The following HS6ST3 variants were observed in gnomAD, a reference collection of about 807,000 sequenced individuals.
HS6ST3 encodes heparan sulfate 6-O-sulfotransferase 3.
Under a neutral mutation model 36.7 loss-of-function variants are expected in HS6ST3, and 12 were observed. That is an observed-to-expected ratio of 0.33 (90% CI 0.21 to 0.53). HS6ST3 has a LOEUF of 0.53. Among genes scored for constraint, HS6ST3 ranks in the 20% least tolerant of loss-of-function variants. The pLI is 0.95. For missense variants in HS6ST3, 584 were observed against 640.9 expected (o/e 0.91, Z 0.96); for synonymous variants, 240 against 257.5 (o/e 0.93, Z 0.65).
At chr13:96,412,915 ACAATT>A (rs2055515104) in intron 1 of HS6ST3, among the ~76,000 whole-genome samples, 1 of 137,714 alleles carries the variant, frequency 7.3e-6, no homozygotes, top group Non-Finnish European at 1.7e-5. Context: ...TATTGAATGA[ACAATT>A]GAAGAAAGAG....
chr13:96,687,007 C>G (rs1874798802), intron 1 of HS6ST3, among the ~76,000 whole-genome samples: 1 of 151,740 alleles, frequency 6.6e-6, no homozygotes. Context: ...GCATGCTACT[C>G]TTTTTCCTCA....
At chr13:96,326,047 C>G (rs917917802) in intron 1 of HS6ST3, among the ~76,000 whole-genome samples, 5 of 151,880 alleles carry the variant, frequency 3.3e-5, no homozygotes, top group South Asian at 4.2e-4. Context: ...ACCTTGTATA[C>G]TAAGTGAATT....
At chr13:96,192,147 A>T (rs1412301666) in intron 1 of HS6ST3, among the ~76,000 whole-genome samples, 1 of 152,186 alleles carries the variant, frequency 6.6e-6, no homozygotes, top group East Asian at 1.9e-4. Context: ...TCCTTGCAGG[A>T]TTGCTGTAAG....
intron 1 of HS6ST3, among the ~76,000 whole-genome samples, chr13:96,830,134 G>A (rs1878743831): frequency 6.6e-6 from 1 of 151,766 alleles, no homozygotes; most frequent in African/African-American, 2.4e-5. Context: ...CTTTATGTTA[G>A]ATAAATATGC....
At chr13:96,752,311 G>A (rs774122812) in intron 1 of HS6ST3, among the ~76,000 whole-genome samples, 21 of 152,120 alleles carry the variant, frequency 1.4e-4, no homozygotes, top group Middle Eastern at 3.4e-3. Flanking sequence ...AATCATGCTT[G>A]AGCATGCATC....
intron 1 of HS6ST3, among the ~76,000 whole-genome samples, chr13:96,106,463 T>A (rs2139297697): frequency 6.6e-6 from 1 of 152,292 alleles, no homozygotes; most frequent in East Asian, 1.9e-4. Flanking sequence ...AACAGCAGTG[T>A]GAGTGAGCTT....
At chr13:96,585,264 G>A (rs544638331) in intron 1 of HS6ST3, among the ~76,000 whole-genome samples, 1 of 151,866 alleles carries the variant, frequency 6.6e-6, no homozygotes, top group Admixed American at 6.6e-5. Flanking sequence ...ATGTTTTAAT[G>A]TAAACTTAAA....
intron 1 of HS6ST3, among the ~76,000 whole-genome samples, chr13:96,335,589 T>C (rs1566329179): frequency 6.6e-6 from 1 of 152,200 alleles, no homozygotes; most frequent in Non-Finnish European, 1.5e-5. Flanking sequence ...GGTGAATGTT[T>C]CCATGGCAAT....
At chr13:96,494,923 A>C (rs2055967312) in intron 1 of HS6ST3, among the ~76,000 whole-genome samples, 2 of 152,310 alleles carry the variant, frequency 1.3e-5, no homozygotes, top group Middle Eastern at 3.4e-3. Context: ...AATATGAAGA[A>C]TACTTGGAAA....
At chr13:96,342,537 G>C (rs1291585165) in intron 1 of HS6ST3, among the ~76,000 whole-genome samples, 1 of 152,132 alleles carries the variant, frequency 6.6e-6, no homozygotes, top group Non-Finnish European at 1.5e-5. Flanking sequence ...ATGTTTACTT[G>C]CTAATGTCAT....
intron 1 of HS6ST3, among the ~76,000 whole-genome samples, chr13:96,827,699 C>T (rs935367291): frequency 6.6e-6 from 1 of 152,162 alleles, no homozygotes; most frequent in Non-Finnish European, 1.5e-5. Context: ...TTATTTTACT[C>T]ATGTAAATAT....
chr13:96,594,144 G>A (rs1304871897), intron 1 of HS6ST3, among the ~76,000 whole-genome samples: 1 of 151,926 alleles, frequency 6.6e-6, no homozygotes, highest in Non-Finnish European at 1.5e-5. Flanking sequence ...GGCTAATTTT[G>A]TATTTTTAGT....
chr13:96,780,994 C>T (rs1053339256), intron 1 of HS6ST3, among the ~76,000 whole-genome samples: 3 of 151,606 alleles, frequency 2.0e-5, no homozygotes, highest in African/African-American at 4.9e-5. Context: ...ACTGCATAAA[C>T]ATTATTACAC....
At position 96,327,987 on chromosome 13, in the gene HS6ST3, T is replaced by C. The variant is rs1192580303; in HGVS notation, c.707+236418T>C. ...CATTATTTGGCTCTCTGTTTGTCTG[T>C]TGTTGGTGTATAAGAATGCTTGTGA... is the stretch of plus-strand genomic sequence containing the variant. On this transcript the variant is annotated intron_variant, in intron 1 of 1. Coordinates refer to ENST00000376705, the MANE Select transcript of HS6ST3 (RefSeq NM_153456.4). Among the ~76,000 whole-genome samples the C allele has an allele frequency of 4.2e-5, 6 of 143,512 alleles. No individual in the cohort carries two copies. The East Asian group carries it at 6.1e-4, about 15-fold the overall frequency. The allele number at this position is 143,512 out of a possible 152,430, so 94.1% of individuals were successfully genotyped here.
intron 1 of HS6ST3, among the ~76,000 whole-genome samples, chr13:96,140,979 G>T (rs903790342): frequency 1.8e-4 from 28 of 152,162 alleles, no homozygotes; most frequent in Non-Finnish European, 4.4e-5. Context: ...TTCCTGACAA[G>T]TTTCCAGATT....
intron 1 of HS6ST3, among the ~76,000 whole-genome samples, chr13:96,658,664 A>G (rs896845915): frequency 2.0e-5 from 3 of 150,886 alleles, no homozygotes; most frequent in African/African-American, 4.9e-5. Flanking sequence ...ATGTTTTTGT[A>G]TGGCGGTTAT....
intron 1 of HS6ST3, among the ~76,000 whole-genome samples, chr13:96,092,202 C>T (rs61966753): frequency 0.015 from 2,275 of 152,292 alleles, 29 homozygotes; most frequent in Non-Finnish European, 0.02. Flanking sequence ...TTGGACTCAC[C>T]TGTCCTCAGA....
At chr13:96,407,425 T>A (rs1382641785) in intron 1 of HS6ST3, among the ~76,000 whole-genome samples, 1 of 152,180 alleles carries the variant, frequency 6.6e-6, no homozygotes, top group Non-Finnish European at 1.5e-5. Flanking sequence ...ACTGGTGAAA[T>A]GGGGATAATA....
At chr13:96,112,666 G>A in intron 1 of HS6ST3, among the ~76,000 whole-genome samples, 1 of 138,778 alleles carries the variant, frequency 7.2e-6, no homozygotes, top group Non-Finnish European at 1.5e-5. Flanking sequence ...TACTCCGGAG[G>A]CTGAGGCAGA....
Sources: allele counts gnomAD v4.1 joint callset (sites outside exome capture counted in the v4.1 genomes callset), GRCh38; gene constraint gnomAD v4.1.1; transcripts MANE v1.5; gene names NCBI Gene and HGNC (gene_info 2026-07-23, HGNC 2026-07-21).